KIAA1328: variants seen among roughly 807,000 people sequenced by gnomAD.
The protein encoded by KIAA1328 is KIAA1328.
KIAA1328 carries 52 observed loss-of-function variants against 68.1 expected under a neutral mutation model. The observed-to-expected ratio is 0.76, with a 90% CI of 0.61 to 0.96. The LOEUF (loss-of-function observed/expected upper bound fraction) is 0.96. KIAA1328 is among the 40% of genes least tolerant of loss of function. The pLI, the probability that KIAA1328 is intolerant of heterozygous loss-of-function variation, is 0.00. For missense variants in KIAA1328, 641 were observed against 677.6 expected (o/e 0.95, Z 0.60); for synonymous variants, 232 against 239.4 (o/e 0.97, Z 0.28).
At chr18:36,887,480 A>G (rs751766109) in intron 5 of KIAA1328, among the ~76,000 whole-genome samples, 8 of 152,070 alleles carry the variant, frequency 5.3e-5, no homozygotes, top group Non-Finnish European at 8.8e-5. Flanking sequence ...GGTTGCTCCA[A>G]TTCTAGGCAT....
chr18:37,078,825 A>G (rs1398069895), intron 7 of KIAA1328, among the ~76,000 whole-genome samples: 1 of 149,880 alleles, frequency 6.7e-6, no homozygotes, highest in Non-Finnish European at 1.5e-5. Flanking sequence ...AAAAGTCAGG[A>G]AACAACAGGT....
In KIAA1328 at chr18:36,880,993, G is replaced by A. The variant is rs146606082; in HGVS notation, c.333-4564G>A. ...GAATTGTTTTTTAGAATTTTTTTCA[G>A]CTATACTTATCAGATAGATTGGATT... On this transcript the variant is annotated intron_variant, in intron 4 of 9. Coordinates refer to ENST00000280020, the MANE Select transcript of KIAA1328 (RefSeq NM_020776.3). Among the ~76,000 whole-genome samples the A allele has an allele frequency of 3.9e-5, 6 of 152,046 alleles. No individual in the cohort carries two copies. The East Asian group carries it at 1.2e-3, about 29-fold the overall frequency.
intron 6 of KIAA1328, among the ~76,000 whole-genome samples, chr18:36,996,760 T>C (rs2053407866): frequency 6.6e-6 from 1 of 152,212 alleles, no homozygotes; most frequent in Admixed American, 6.5e-5. Flanking sequence ...TCTTTTGCTG[T>C]ACTTTTTCTT....
intron 9 of KIAA1328, among the ~76,000 whole-genome samples, chr18:37,219,384 C>G (rs1599631357): frequency 6.6e-6 from 1 of 152,234 alleles, no homozygotes. Context: ...ATGTTTAAGT[C>G]TGCAGAAGTT....
intron 5 of KIAA1328, among the ~76,000 whole-genome samples, chr18:36,942,380 G>A (rs1446408692): frequency 6.6e-6 from 1 of 152,094 alleles, no homozygotes. Context: ...AGAACTGACT[G>A]TATATGAAAT....
intron 6 of KIAA1328, among the ~76,000 whole-genome samples, chr18:37,028,353 A>G (rs55809464): frequency 0.14 from 20,690 of 152,186 alleles, 1,752 homozygotes; most frequent in Admixed American, 0.18. Context: ...GTTGGTGAAC[A>G]GAAATGCTAC....
chr18:37,189,216 A>G (rs1246071099), intron 9 of KIAA1328, among the ~76,000 whole-genome samples: 1 of 152,232 alleles, frequency 6.6e-6, no homozygotes, highest in African/African-American at 2.4e-5. Flanking sequence ...GATATCCTCA[A>G]GTATTTAGGT....
intron 6 of KIAA1328, among the ~76,000 whole-genome samples, chr18:37,018,630 A>C (rs1429149394): frequency 6.6e-6 from 1 of 152,144 alleles, no homozygotes; most frequent in Non-Finnish European, 1.5e-5. Context: ...ACATAATCCC[A>C]AGGTTCTCAC....
At position 36,844,205 on chromosome 18, in the gene KIAA1328, A is replaced by T; in HGVS notation, c.238-3A>T. On this transcript the variant is annotated splice_region_variant and splice_polypyrimidine_tract_variant and intron_variant, in intron 3 of 9. Coordinates refer to ENST00000280020, the MANE Select transcript of KIAA1328 (RefSeq NM_020776.3). Reference sequence around the variant, plus strand: ...AAGTGTAACTAAATTTTTTTTTTTTAAGAATTCCTGCAGGGGAGAAATAAA... The same window carrying T: ...AAGTGTAACTAAATTTTTTTTTTTTTAGAATTCCTGCAGGGGAGAAATAAA... 1.9e-6 allele frequency: 3 copies of T among 1,557,344 alleles called. No homozygotes were observed. The highest frequency in any genetic ancestry group is 2.6e-6 in the Non-Finnish European group (3 of 1,153,764).
intron 4 of KIAA1328, among the ~76,000 whole-genome samples, chr18:36,854,104 C>T (rs909978414): frequency 1.3e-5 from 2 of 152,108 alleles, no homozygotes; most frequent in Non-Finnish European, 1.5e-5. Flanking sequence ...ATGGGTGAGC[C>T]TTAATCCAAC....
chr18:37,031,216 C>T (rs2054814564), intron 6 of KIAA1328, among the ~76,000 whole-genome samples: 2 of 152,096 alleles, frequency 1.3e-5, no homozygotes, highest in South Asian at 2.1e-4. Flanking sequence ...TTGTTCAGGT[C>T]TTCTGTATGC....
intron 6 of KIAA1328, among the ~76,000 whole-genome samples, chr18:37,037,431 T>C (rs892369285): frequency 5.9e-5 from 9 of 152,216 alleles, no homozygotes; most frequent in African/African-American, 2.2e-4. Context: ...CCACTTACCA[T>C]TGACCTCATA....
intron 6 of KIAA1328, among the ~76,000 whole-genome samples, chr18:37,010,409 C>T (rs866777341): frequency 7.2e-6 from 1 of 138,500 alleles, no homozygotes; most frequent in East Asian, 2.2e-4. Context: ...TGACACTGCA[C>T]TCCAGCCTGT....
chr18:37,157,285 G>T (rs2059173011), intron 7 of KIAA1328, among the ~76,000 whole-genome samples: 1 of 152,046 alleles, frequency 6.6e-6, no homozygotes, highest in African/African-American at 2.4e-5. Flanking sequence ...ATTATAAAAT[G>T]CATGCCTATT....
chr18:36,976,438 A>G (rs117508227), intron 6 of KIAA1328, among the ~76,000 whole-genome samples: 391 of 152,296 alleles, frequency 2.6e-3, no homozygotes, highest in Non-Finnish European at 4.5e-3. Flanking sequence ...CAGTATCAAA[A>G]TGAAATAAAA....
At chr18:37,092,086 A>G (rs1435020073) in intron 7 of KIAA1328, among the ~76,000 whole-genome samples, 1 of 151,898 alleles carries the variant, frequency 6.6e-6, no homozygotes, top group African/African-American at 2.4e-5. Context: ...GGGCTGACCC[A>G]CCCACCTGTC....
chr18:37,119,716 TTG>T (rs147067729), intron 7 of KIAA1328, among the ~76,000 whole-genome samples: 2 of 151,610 alleles, frequency 1.3e-5, no homozygotes, highest in Admixed American at 6.6e-5. Context: ...TAGTGTGTGT[TTG>T]TGTGTGTGTG....
intron 6 of KIAA1328, among the ~76,000 whole-genome samples, chr18:36,980,505 C>A (rs964321050): frequency 6.6e-6 from 1 of 152,176 alleles, no homozygotes; most frequent in Non-Finnish European, 1.5e-5. Context: ...AGTGGCATGT[C>A]GTATGGCTGC....
intron 9 of KIAA1328, among the ~76,000 whole-genome samples, chr18:37,188,943 G>C (rs10502672): frequency 6.6e-6 from 1 of 152,090 alleles, no homozygotes; most frequent in African/African-American, 2.4e-5. Context: ...GTTGCATGAA[G>C]AGTAAATCCC....
Sources: gnomAD v4.1 joint callset for allele counts (sites outside exome capture counted in the v4.1 genomes callset) on GRCh38, gnomAD v4.1.1 for gene constraint, MANE v1.5 for transcripts, NCBI Gene and HGNC (gene_info 2026-07-23, HGNC 2026-07-21) for gene names.